The following ITGB8 variants were observed in gnomAD, a reference collection of about 807,000 sequenced individuals.
The protein encoded by ITGB8 is integrin subunit beta 8, also known as integrin beta-8.
A neutral mutation model predicts 89.5 loss-of-function variants in ITGB8; 30 were observed. That is an observed-to-expected ratio of 0.34 (90% CI 0.25 to 0.45). The LOEUF is 0.45. Among genes scored for constraint, ITGB8 ranks in the 20% least tolerant of loss-of-function variants. The probability of loss-of-function intolerance (pLI) is 1.00; values close to 1 mark genes in which losing one functional copy is unlikely to be tolerated. For missense variants in ITGB8, 836 were observed against 933.3 expected, an observed-to-expected ratio of 0.90 and a Z score of 1.36; for synonymous variants, 335 against 320.4, an observed-to-expected ratio of 1.05 and a Z score of -0.49.
In ITGB8 at chr7:20,410,015, C is replaced by G; in HGVS notation, c.*18C>G. 1 of 1,598,020 alleles carries G rather than the reference C, an allele frequency of 6.3e-7. No homozygotes were observed. The highest frequency in any genetic ancestry group is 8.5e-7 in the Non-Finnish European group (1 of 1,173,546). ...ACTTCTAAAAAAAGATTTTTAAACA[C>G]TTAATGGGAAACTGGAATTGTTAAT... On this transcript the variant is annotated 3_prime_UTR_variant, in exon 14 of 14. Coordinates refer to ENST00000222573, the MANE Select transcript of ITGB8 (RefSeq NM_002214.3).
chr7:20,373,427 A>G (rs1786015165), intron 3 of ITGB8, among the ~76,000 whole-genome samples: 1 of 152,196 alleles, frequency 6.6e-6, no homozygotes, highest in African/African-American at 2.4e-5. Flanking sequence ...AAATAATACA[A>G]TGTATATGAT....
rs756469815 is a variant in ITGB8, at chr7:20,379,274, C to G, written c.612C>G (p.Pro204=). 6.2e-7 allele frequency: 1 copy of G among 1,601,508 alleles called. No homozygotes were observed. The highest frequency in any genetic ancestry group is 1.7e-5 in the Admixed American group (1 of 58,382). Residue 204 remains proline, a synonymous_variant, in exon 4 of 14, where the codon CCC becomes CCG. Coordinates refer to ENST00000222573, the MANE Select transcript of ITGB8 (RefSeq NM_002214.3). ...KTVSPYISIH[P]ERIHNQCSDY... ...TTTCACCATACATTAGCATCCACCC[C>G]GAAAGGATTCATAATCAATGCAGGT...
At chr7:20,348,614 G>A (rs1275722150) in intron 1 of ITGB8, among the ~76,000 whole-genome samples, 1 of 152,230 alleles carries the variant, frequency 6.6e-6, no homozygotes, top group African/African-American at 2.4e-5. Flanking sequence ...GTCCATGGTG[G>A]AGGTAGTGAG....
chr7:20,387,382 C>T (rs937868972), intron 6 of ITGB8, among the ~76,000 whole-genome samples: 1 of 152,140 alleles, frequency 6.6e-6, no homozygotes, highest in Non-Finnish European at 1.5e-5. Context: ...CGAAGTTAAC[C>T]TATTTAATCT....
chr7:20,362,146 C>A (rs1283135570), intron 1 of ITGB8, among the ~76,000 whole-genome samples: 1 of 152,204 alleles, frequency 6.6e-6, no homozygotes, highest in Non-Finnish European at 1.5e-5. Flanking sequence ...CTCTACTCTT[C>A]TCCTACTACC....
chr7:20,342,692 G>A (rs1398062336), intron 1 of ITGB8, among the ~76,000 whole-genome samples: 1 of 146,970 alleles, frequency 6.8e-6, no homozygotes, highest in Admixed American at 6.7e-5. Flanking sequence ...TTTTTTTTTT[G>A]GAATTATTGG....
rs1392767734 is a variant in ITGB8 at position 20,393,753 on chromosome 7, A to G, written c.1057-1143A>G. 2.0e-5 allele frequency among the ~76,000 whole-genome samples: 3 copies of G among 151,954 alleles called. No individual in the cohort carries two copies. The East Asian group carries it at 5.8e-4, about 29-fold the overall frequency. On this transcript the variant is annotated intron_variant, in intron 7 of 13. Coordinates refer to ENST00000222573, the MANE Select transcript of ITGB8 (RefSeq NM_002214.3). ...TTCTTGCTGCCCACCCTCGCTTCTC[A>G]TGTCTGGAAGCCCTTCTCCCTCATT...
intron 2 of ITGB8, chr7:20,365,541 T>G (rs1262199433): frequency 6.6e-6 from 1 of 152,212 alleles, no homozygotes; most frequent in Non-Finnish European, 1.5e-5. Flanking sequence ...GAGGATGAAA[T>G]GAAGCAATGT....
intron 10 of ITGB8, among the ~76,000 whole-genome samples, chr7:20,404,038 A>G (rs1180396472): frequency 6.6e-6 from 1 of 152,208 alleles, no homozygotes; most frequent in Non-Finnish European, 1.5e-5. Flanking sequence ...AACTGCTCAC[A>G]GTATAGAGGA....
intron 1 of ITGB8, chr7:20,353,495 A>T: frequency 6.6e-6 from 1 of 152,200 alleles, no homozygotes; most frequent in East Asian, 1.9e-4. Flanking sequence ...CTGTGTAATA[A>T]GGAAAAGTAA....
At chr7:20,345,148 C>A (rs143818491) in intron 1 of ITGB8, among the ~76,000 whole-genome samples, 133 of 152,136 alleles carry the variant, frequency 8.7e-4, no homozygotes, top group African/African-American at 3.1e-3. Flanking sequence ...ATTCCCAGGG[C>A]CTCAGGGAGG....
intron 1 of ITGB8, among the ~76,000 whole-genome samples, chr7:20,345,376 A>G (rs1784889706): frequency 9.2e-6 from 1 of 109,194 alleles, no homozygotes; most frequent in South Asian, 3.7e-4. Context: ...TATATTTTGG[A>G]GGAGGACAGA....
intron 6 of ITGB8, among the ~76,000 whole-genome samples, chr7:20,388,850 T>C (rs1317811401): frequency 6.6e-6 from 1 of 152,178 alleles, no homozygotes; most frequent in Non-Finnish European, 1.5e-5. Context: ...TGTGTTCTCA[T>C]TGTTCATCTC....
chr7:20,369,026 G>A (rs529324840), intron 3 of ITGB8, among the ~76,000 whole-genome samples: 1 of 152,180 alleles, frequency 6.6e-6, no homozygotes, highest in South Asian at 2.1e-4. Context: ...TCAGCTTTCT[G>A]ACTCAAATGA....
intron 1 of ITGB8, among the ~76,000 whole-genome samples, chr7:20,359,402 C>G (rs1164405116): frequency 6.6e-6 from 1 of 152,204 alleles, no homozygotes; most frequent in African/African-American, 2.4e-5. Flanking sequence ...CAAGCAGCAA[C>G]TGCAATCATA....
chr7:20,364,958 G>A (rs1307791343), intron 2 of ITGB8: 1 of 152,216 alleles, frequency 6.6e-6, no homozygotes, highest in Non-Finnish European at 1.5e-5. Context: ...CCAACTTGCT[G>A]TCAACTGCTG....
chr7:20,390,844 TGAGTA>T (rs1189355876), intron 6 of ITGB8, among the ~76,000 whole-genome samples: 2 of 152,074 alleles, frequency 1.3e-5, no homozygotes, highest in Non-Finnish European at 2.9e-5. Context: ...ACCTAGGACT[TGAGTA>T]GAGCATTTCC....
intron 1 of ITGB8, among the ~76,000 whole-genome samples, chr7:20,340,523 T>G (rs868762610): frequency 6.6e-6 from 1 of 152,188 alleles, no homozygotes; most frequent in African/African-American, 2.4e-5. Flanking sequence ...TTTTCCATGG[T>G]TTTGGACTCA....
At chr7:20,354,667 G>T (rs1393189622) in intron 1 of ITGB8, among the ~76,000 whole-genome samples, 1 of 152,252 alleles carries the variant, frequency 6.6e-6, no homozygotes, top group South Asian at 2.1e-4. Context: ...GCTGCTGCAG[G>T]TCTGGACATT....
Sources: gnomAD v4.1 joint callset for allele counts (sites outside exome capture counted in the v4.1 genomes callset) on GRCh38, gnomAD v4.1.1 for gene constraint, MANE v1.5 for transcripts, NCBI Gene and HGNC (gene_info 2026-07-23, HGNC 2026-07-21) for gene names.